The following SHANK2 variants were observed in gnomAD, a reference collection of about 807,000 sequenced individuals.
The protein encoded by SHANK2 is SH3 and multiple ankyrin repeat domains protein 2.
Under a neutral mutation model 133.7 loss-of-function variants are expected in SHANK2, and 43 were observed. The observed-to-expected ratio is 0.32, with a 90% confidence interval of 0.25 to 0.41. The LOEUF (loss-of-function observed/expected upper bound fraction) is 0.41, where lower values mean the gene tolerates loss of function less well. Among genes scored for constraint, SHANK2 ranks in the 10% least tolerant of loss-of-function variants. SHANK2 has a pLI of 1.00. For synonymous variants in SHANK2, 1,017 were observed against 952.8 expected (o/e 1.07, Z -1.24); for missense variants, 1,994 against 2,235.8 (o/e 0.89, Z 2.18).
At chr11:70,750,595 A>T (rs1946733855) in intron 14 of SHANK2, among the ~76,000 whole-genome samples, 1 of 152,206 alleles carries the variant, frequency 6.6e-6, no homozygotes, top group Non-Finnish European at 1.5e-5. Context: ...CTCCATGGAC[A>T]CGGAAAATGT....
chr11:70,621,369 C>G (rs933485830), intron 17 of SHANK2, among the ~76,000 whole-genome samples: 1 of 152,212 alleles, frequency 6.6e-6, no homozygotes, highest in Non-Finnish European at 1.5e-5. Context: ...GAAGCAGAAC[C>G]CAGACCAGCT....
At chr11:70,815,365 T>C (rs1363578589) in intron 12 of SHANK2, among the ~76,000 whole-genome samples, 5 of 152,096 alleles carry the variant, frequency 3.3e-5, no homozygotes, top group African/African-American at 1.2e-4. Flanking sequence ...TTCCTCTCTC[T>C]GTCTCAGAGG....
chr11:71,212,783 C>A (rs978635702), intron 2 of SHANK2, among the ~76,000 whole-genome samples: 1 of 152,216 alleles, frequency 6.6e-6, no homozygotes, highest in Non-Finnish European at 1.5e-5. Context: ...GTTCTTGCCA[C>A]CAGGAATCCC....
At chr11:70,622,446 A>G (rs924518349) in intron 17 of SHANK2, among the ~76,000 whole-genome samples, 4 of 151,798 alleles carry the variant, frequency 2.6e-5, no homozygotes, top group Non-Finnish European at 5.9e-5. Context: ...GGCTTTTGTT[A>G]CAAAGCAACA....
chr11:70,896,429 C>G (rs1456525194), intron 11 of SHANK2, 72 bp downstream of exon 11: 1 of 652,400 alleles, frequency 1.5e-6, no homozygotes, highest in Non-Finnish European at 2.8e-6. Flanking sequence ...TTTTAAAAAG[C>G]TGGTGAGTGA....
At chr11:70,795,921 GACTC>G (rs1166637933) in intron 14 of SHANK2, among the ~76,000 whole-genome samples, 1 of 152,198 alleles carries the variant, frequency 6.6e-6, no homozygotes, top group Non-Finnish European at 1.5e-5. Context: ...AGCCAAGTGA[GACTC>G]ACACCCGCAT....
At chr11:70,820,848 C>A (rs915866378) in intron 11 of SHANK2, among the ~76,000 whole-genome samples, 166 bp from the exon 12 acceptor site, 3 of 152,146 alleles carry the variant, frequency 2.0e-5, no homozygotes, top group African/African-American at 4.8e-5. Flanking sequence ...CTCCACCAGG[C>A]CCAGAACTCA....
rs147406312 is a variant in SHANK2 at position 71,111,776 on chromosome 11, T to C, written c.483+1517A>G. Among the ~76,000 whole-genome samples the C allele has an allele frequency of 2.8e-3, 421 of 152,382 alleles. 2 individuals are homozygous for C. Among genetic ancestry groups the C allele is most frequent in the African/African-American group, 9.8e-3 (409 of 41,592 alleles). ...CACATGGTGTCACTGAAAACCTGCATTGCTATTTACAAATCAGCATTTTTA... is the reference window on the plus strand; with the variant it reads ...CACATGGTGTCACTGAAAACCTGCACTGCTATTTACAAATCAGCATTTTTA... On this transcript the variant is annotated intron_variant, in intron 5 of 25. Transcript: ENST00000601538.
chr11:71,110,866 G>A (rs77769563), intron 5 of SHANK2, among the ~76,000 whole-genome samples: 3,497 of 152,374 alleles, frequency 0.023, 137 homozygotes, highest in African/African-American at 0.08. Flanking sequence ...AATCTCCAAT[G>A]TAATAGTATG....
intron 17 of SHANK2, among the ~76,000 whole-genome samples, chr11:70,541,358 C>T (rs1229382695): frequency 6.6e-6 from 1 of 152,236 alleles, no homozygotes; most frequent in Admixed American, 6.5e-5. Context: ...AGCCACCGGC[C>T]CCCCACCAAC....
chr11:70,714,747 C>T (rs73527923), intron 14 of SHANK2, among the ~76,000 whole-genome samples: 4,202 of 152,200 alleles, frequency 0.028, 183 homozygotes, highest in African/African-American at 0.095. Context: ...TACATCCTCC[C>T]TACGGCATTT....
chr11:70,934,257 A>AC (rs1555083081), intron 10 of SHANK2, among the ~76,000 whole-genome samples: 1 of 151,340 alleles, frequency 6.6e-6, no homozygotes, highest in Non-Finnish European at 1.5e-5. Context: ...AAAAAAAAAA[A>AC]AAAAAAACAG....
At chr11:70,670,700 C>T (rs1414955382) in intron 15 of SHANK2, among the ~76,000 whole-genome samples, 4 of 152,234 alleles carry the variant, frequency 2.6e-5, no homozygotes, top group Admixed American at 6.5e-5. Flanking sequence ...GCATAACTCA[C>T]AGGGGAAATG....
chr11:70,635,358 T>C (rs1181894094), intron 17 of SHANK2: 1 of 152,066 alleles, frequency 6.6e-6, no homozygotes, highest in Non-Finnish European at 1.5e-5. Flanking sequence ...TTCCGTAGAG[T>C]TGGGATAGTT....
intron 14 of SHANK2, among the ~76,000 whole-genome samples, chr11:70,787,643 G>A (rs1210876): frequency 0.011 from 1,579 of 149,888 alleles, 29 homozygotes; most frequent in African/African-American, 0.037. Flanking sequence ...CACCATGACC[G>A]CCACCAACAC....
chr11:70,723,954 C>T (rs1555029887), intron 14 of SHANK2, among the ~76,000 whole-genome samples: 3 of 151,800 alleles, frequency 2.0e-5, no homozygotes, highest in Non-Finnish European at 2.9e-5. Context: ...CAGCTCAAGA[C>T]CTTGCCAAAT....
chr11:70,596,471 G>A (rs566506477), intron 17 of SHANK2, among the ~76,000 whole-genome samples: 46 of 152,274 alleles, frequency 3.0e-4, no homozygotes, highest in African/African-American at 1.1e-3. Flanking sequence ...CTAGGGTTCT[G>A]GGGTTGGAAG....
At chr11:70,927,177 C>T (rs1013937151) in intron 10 of SHANK2, among the ~76,000 whole-genome samples, 5 of 152,166 alleles carry the variant, frequency 3.3e-5, no homozygotes, top group South Asian at 2.1e-4. Context: ...ATGCAACACA[C>T]GGAGACAAAA....
At chr11:70,922,164 A>T (rs1417828477) in intron 10 of SHANK2, among the ~76,000 whole-genome samples, 1 of 152,230 alleles carries the variant, frequency 6.6e-6, no homozygotes, top group Non-Finnish European at 1.5e-5. Flanking sequence ...TAGGCTTAAG[A>T]TCGGATTACA....
Sources: allele counts gnomAD v4.1 joint callset (sites outside exome capture counted in the v4.1 genomes callset), GRCh38; gene constraint gnomAD v4.1.1; transcripts MANE v1.5; gene names NCBI Gene and HGNC (gene_info 2026-07-23, HGNC 2026-07-21).